Variants in SLC6A6 observed in about 807,000 individuals in gnomAD.
SLC6A6 encodes the protein sodium- and chloride-dependent taurine transporter.
Under a neutral mutation model 68.8 loss-of-function variants are expected in SLC6A6, and 16 were observed. The ratio of observed to expected loss-of-function variants is 0.23; its 90% CI spans 0.16 to 0.35. The LOEUF is 0.35. Among genes scored for constraint, SLC6A6 ranks in the 10% least tolerant of loss-of-function variants. SLC6A6 has a pLI of 1.00. For missense variants in SLC6A6, 474 were observed against 802.8 expected (o/e 0.59, Z 4.95); for synonymous variants, 312 against 315.4 (o/e 0.99, Z 0.12).
Position 14,462,762 on chromosome 3 carries a change from G to A in SLC6A6, c.733-3754G>A, listed in dbSNP as rs999626940. Among the ~76,000 whole-genome samples, 27 of 152,278 alleles carry A rather than the reference G, an allele frequency of 1.8e-4. No homozygotes were observed. In the East Asian group the frequency reaches 3.9e-3, roughly 22 times the overall value. On this transcript the variant is annotated intron_variant, in intron 6 of 14. Coordinates refer to ENST00000622186, the MANE Select transcript of SLC6A6 (RefSeq NM_003043.6). The stretch of plus-strand genomic sequence containing the variant: ...ACAGGTAATTCAGGTAATTATGCAC[G>A]ATGTCTCTCAGCAAATCTGCATTTT...
chr3:14,462,655 C>T (rs1245712497), intron 6 of SLC6A6, among the ~76,000 whole-genome samples: 2 of 151,854 alleles, frequency 1.3e-5, no homozygotes, highest in African/African-American at 2.4e-5. Flanking sequence ...GCTTTGATTG[C>T]GCCATTGCAC....
rs529404731 is a variant in SLC6A6, at chr3:14,404,039, T to A, written c.-54+1192T>A. Among the ~76,000 whole-genome samples, 21 of 152,332 alleles carry A rather than the reference T, an allele frequency of 1.4e-4. No homozygotes were observed. The South Asian group carries it at 4.1e-3, about 30-fold the overall frequency. On this transcript the variant is annotated intron_variant, in intron 1 of 14. Coordinates refer to ENST00000622186, the MANE Select transcript of SLC6A6 (RefSeq NM_003043.6). Reference sequence around the variant, plus strand: ...CTGGGGAAATAAATCAGCTCAGTAATTGCCCAGACACTTGAATGGAGGGTC... The same window carrying A: ...CTGGGGAAATAAATCAGCTCAGTAAATGCCCAGACACTTGAATGGAGGGTC...
chr3:14,416,795 C>T (rs1435093372), intron 2 of SLC6A6, among the ~76,000 whole-genome samples: 1 of 152,252 alleles, frequency 6.6e-6, no homozygotes, highest in Non-Finnish European at 1.5e-5. Context: ...GATGCCCTCA[C>T]TGAGTTGATT....
At chr3:14,422,468 C>G (rs983978594) in intron 2 of SLC6A6, among the ~76,000 whole-genome samples, 1 of 152,114 alleles carries the variant, frequency 6.6e-6, no homozygotes, top group Non-Finnish European at 1.5e-5. Context: ...ATTTAGGAGC[C>G]GATGCCCTGG....
intron 1 of SLC6A6, among the ~76,000 whole-genome samples, chr3:14,408,843 G>A (rs901837191): frequency 1.3e-5 from 2 of 151,536 alleles, no homozygotes; most frequent in African/African-American, 4.8e-5. Flanking sequence ...GTCTCGCTCT[G>A]TCGCCCAGGC....
intron 2 of SLC6A6, among the ~76,000 whole-genome samples, chr3:14,436,486 G>A (rs934956950): frequency 1.6e-5 from 2 of 123,562 alleles, no homozygotes; most frequent in Non-Finnish European, 3.4e-5. Flanking sequence ...TTAAAGGTGT[G>A]AGCCACCACG....
chr3:14,459,078 C>G (rs995559739), intron 6 of SLC6A6, among the ~76,000 whole-genome samples: 5 of 152,204 alleles, frequency 3.3e-5, no homozygotes. Flanking sequence ...GTTGTGATCA[C>G]AGGTGTGAGC....
intron 2 of SLC6A6, among the ~76,000 whole-genome samples, chr3:14,427,989 C>G (rs1699639457): frequency 6.6e-6 from 1 of 152,230 alleles, no homozygotes; most frequent in African/African-American, 2.4e-5. Flanking sequence ...ACTCTGCTTT[C>G]TGCCCTGAGA....
In SLC6A6 at chr3:14,447,933, G is replaced by C. The variant is rs1322533082; in HGVS notation, c.599+117G>C. 6.7e-6 allele frequency: 10 copies of C among 1,500,274 alleles called. No individual in the cohort carries two copies. In the East Asian group the frequency reaches 2.2e-4, roughly 33 times the overall value. The allele number at this position is 1,500,274 out of a possible 1,614,324, so 92.9% of individuals were successfully genotyped here. ...CACTGTCTTCGGGGGAGTGGGAGGA[G>C]GGTGCAGATCTGGAGATAAATTTAT... On this transcript the variant is annotated intron_variant, in intron 5 of 14. Transcript: ENST00000622186.
chr3:14,413,194 A>C (rs1349880762), intron 1 of SLC6A6, among the ~76,000 whole-genome samples: 1 of 152,212 alleles, frequency 6.6e-6, no homozygotes, highest in Non-Finnish European at 1.5e-5. Context: ...CTGGAAAACC[A>C]GCCTGGAGCC....
Position 14,402,809 on chromosome 3 carries a change from C to T in SLC6A6, c.-92C>T, listed in dbSNP as rs1459554333. 2 of 397,684 alleles carry T rather than the reference C, an allele frequency of 5.0e-6. No individual in the cohort carries two copies. 24.6% of individuals were successfully genotyped at this position (397,684 alleles called of 1,614,324 possible). On this transcript the variant is annotated 5_prime_UTR_variant, in exon 1 of 15. Coordinates refer to ENST00000622186, the MANE Select transcript of SLC6A6 (RefSeq NM_003043.6). The surrounding 1 kb of genome is among the most constrained non-coding windows in gnomAD (Gnocchi z 4.8). ...AGCCCCCGGCCGGCGGAACCCGGCACAGCCGAGCAGAGCGCGGGCGGCGCC... is the reference window on the plus strand; with the variant it reads ...AGCCCCCGGCCGGCGGAACCCGGCATAGCCGAGCAGAGCGCGGGCGGCGCC...
At chr3:14,479,295 T>A in intron 13 of SLC6A6, 110 bp downstream of exon 13, 1 of 743,720 alleles carries the variant, frequency 1.3e-6, no homozygotes, top group Non-Finnish European at 2.4e-6. Context: ...GGGCTTATAA[T>A]AAACCCAGCT....
chr3:14,414,216 C>G (rs991105517), intron 1 of SLC6A6, among the ~76,000 whole-genome samples: 1 of 152,182 alleles, frequency 6.6e-6, no homozygotes, highest in Non-Finnish European at 1.5e-5. Flanking sequence ...CGCCCCCTGC[C>G]CCAATGTAGC....
intron 5 of SLC6A6, among the ~76,000 whole-genome samples, chr3:14,454,771 C>T (rs1215679766): frequency 2.0e-5 from 3 of 152,216 alleles, no homozygotes; most frequent in Non-Finnish European, 4.4e-5. Flanking sequence ...CCCTCCCCCA[C>T]ACAGGCAGCA....
At position 14,440,064 on chromosome 3, in the gene SLC6A6, C is replaced by T. The variant is rs182972367; in HGVS notation, c.-11-3560C>T. On this transcript the variant is annotated intron_variant, in intron 2 of 14. Coordinates refer to ENST00000622186, the MANE Select transcript of SLC6A6 (RefSeq NM_003043.6). ...TAGCGGTAGTAAGAGGAGATAGTCT[C>T]AAGTCATAATGTAGTTGCTGTGCAT... Among the ~76,000 whole-genome samples the T allele has an allele frequency of 1.2e-4, 18 of 152,246 alleles. 1 individual carries two copies. Among genetic ancestry groups the T allele is most frequent in the African/African-American group, 4.3e-4 (18 of 41,528 alleles).
chr3:14,413,939 T>G (rs1359802588), intron 1 of SLC6A6, among the ~76,000 whole-genome samples: 2 of 152,248 alleles, frequency 1.3e-5, no homozygotes, highest in African/African-American at 4.8e-5. Flanking sequence ...TTTTATTTTT[T>G]TTATTTATTT....
chr3:14,442,212 A>T (rs1335064083), intron 2 of SLC6A6, among the ~76,000 whole-genome samples: 1 of 151,972 alleles, frequency 6.6e-6, no homozygotes, highest in Non-Finnish European at 1.5e-5. Flanking sequence ...TTTCAAGAGA[A>T]CTCAGAATTC....
intron 2 of SLC6A6, among the ~76,000 whole-genome samples, chr3:14,417,782 C>T (rs1699398793): frequency 1.3e-5 from 2 of 151,322 alleles, no homozygotes; most frequent in Non-Finnish European, 2.9e-5. Context: ...AACCCTAGCA[C>T]AGTTATCTAC....
chr3:14,488,179 C>G lies in SLC6A6; in HGVS notation c.*3172C>G, dbSNP rs1192768237. Reference sequence around the variant, plus strand: ...TAGGCAGGATTTAGATGAAGTCGCCCTGGCTCCAGACTGACCCCGAGGCTC... The same window carrying G: ...TAGGCAGGATTTAGATGAAGTCGCCGTGGCTCCAGACTGACCCCGAGGCTC... On this transcript the variant is annotated 3_prime_UTR_variant, in exon 15 of 15. Transcript: ENST00000622186. 1 of 152,678 alleles carries G rather than the reference C, an allele frequency of 6.5e-6. No individual in the cohort carries two copies. The highest frequency in any genetic ancestry group is 1.5e-5 in the Non-Finnish European group (1 of 68,080). 9.5% of individuals were successfully genotyped at this position (152,678 alleles called of 1,614,324 possible).
Sources: allele counts gnomAD v4.1 joint callset (sites outside exome capture counted in the v4.1 genomes callset), GRCh38; gene constraint gnomAD v4.1.1; non-coding constraint Gnocchi (gnomAD v3.1); transcripts MANE v1.5; gene names NCBI Gene and HGNC (gene_info 2026-07-23, HGNC 2026-07-21).